USP14: variants seen among roughly 807,000 people sequenced by gnomAD.
The protein encoded by USP14 is ubiquitin specific peptidase 14, also known as ubiquitin carboxyl-terminal hydrolase 14.
USP14 carries 38 observed loss-of-function variants against 76.5 expected under a neutral mutation model. The observed-to-expected ratio is 0.50, with a 90% CI of 0.38 to 0.65. The LOEUF (loss-of-function observed/expected upper bound fraction) is 0.65. Among genes scored for constraint, USP14 ranks in the 30% least tolerant of loss-of-function variants. The pLI is 0.00. For missense variants in USP14, 467 were observed against 586.5 expected (o/e 0.80, Z 2.10); for synonymous variants, 192 against 191.7 (o/e 1.00, Z -0.01).
At chr18:204,124 C>T (rs1341220729) in intron 12 of USP14, among the ~76,000 whole-genome samples, 1 of 151,558 alleles carries the variant, frequency 6.6e-6, no homozygotes, top group Non-Finnish European at 1.5e-5. Flanking sequence ...GTGTTGTATA[C>T]TTTAAATATA....
chr18:208,125 C>A (rs1056882073), intron 13 of USP14, among the ~76,000 whole-genome samples: 5 of 150,830 alleles, frequency 3.3e-5, no homozygotes, highest in African/African-American at 1.2e-4. Flanking sequence ...TTTTCTATTG[C>A]CTAAACATAG....
intron 3 of USP14, among the ~76,000 whole-genome samples, chr18:173,311 C>G (rs1909524647): frequency 6.6e-6 from 1 of 151,600 alleles, no homozygotes; most frequent in African/African-American, 2.4e-5. Flanking sequence ...CGGGGTTTCA[C>G]CATGTTAGCC....
chr18:199,199 A>C lies in USP14; in HGVS notation c.762-3A>C. On this transcript the variant is annotated splice_polypyrimidine_tract_variant and splice_region_variant and intron_variant, in intron 9 of 15. Transcript: ENST00000261601. The stretch of plus-strand genomic sequence containing the variant: ...GGCATATTCCTTATCTTAGTTTACA[A>C]AGCATGAAATGTACAGAATCTGAAG... 1 of 1,602,918 alleles carries C rather than the reference A, an allele frequency of 6.2e-7. No individual in the cohort carries two copies. The highest frequency in any genetic ancestry group is 8.5e-7 in the Non-Finnish European group (1 of 1,170,002).
Position 204,610 on chromosome 18 carries a change from C to A in USP14, c.1082C>A (p.Pro361Gln), listed in dbSNP as rs1207829699. 6.2e-7 allele frequency: 1 copy of A among 1,612,910 alleles called. No individual in the cohort carries two copies. Among genetic ancestry groups the A allele is most frequent in the Admixed American group, 1.7e-5 (1 of 59,886 alleles). ...LMLDMYELCT[P>Q]ELQEKMVSFR... ...TTGGATATGTATGAACTGTGTACAC[C>A]AGAACTTCAAGAGAAAATGGTGTCT... is the stretch of plus-strand genomic sequence containing the variant. The change falls in exon 13 of 16, where the codon CCA becomes CAA. Residue 361 changes from proline to glutamine, a missense_variant. By Grantham distance (76) the Pro-to-Gln change is moderately conservative (BLOSUM62 -1). Coordinates refer to ENST00000261601, the MANE Select transcript of USP14 (RefSeq NM_005151.4).
intron 13 of USP14, 120 bp downstream of exon 13, chr18:204,812 TTA>T: frequency 1.1e-6 from 1 of 930,858 alleles, no homozygotes; most frequent in Non-Finnish European, 1.5e-6. Flanking sequence ...TTGTATAGTA[TTA>T]TTTGGATCAA....
Position 163,460 on chromosome 18 carries a change from T to C in USP14, c.162+7T>C. 1 of 1,599,824 alleles carries C rather than the reference T, an allele frequency of 6.3e-7. No individual in the cohort carries two copies. Among genetic ancestry groups the C allele is most frequent in the South Asian group, 1.1e-5 (1 of 87,794 alleles). On this transcript the variant is annotated splice_region_variant and intron_variant, in intron 2 of 15. Transcript: ENST00000261601. ...GAAAGGAGGAACGCTAAAGGTAAAA[T>C]GTAGTCCAAATTTTCATCACATTAC...
chr18:171,275 T>A (rs1038344670), intron 3 of USP14, among the ~76,000 whole-genome samples: 1 of 151,960 alleles, frequency 6.6e-6, no homozygotes, highest in Admixed American at 6.6e-5. Context: ...TCTAAGCCTT[T>A]CATAGCTAGA....
chr18:209,918 C>T, intron 13 of USP14, 53 bp from the exon 14 acceptor site: 1 of 1,421,700 alleles, frequency 7.0e-7, no homozygotes, highest in Non-Finnish European at 9.7e-7. Flanking sequence ...ACAGAGAATT[C>T]AAATTTTATT....
intron 3 of USP14, among the ~76,000 whole-genome samples, chr18:174,405 A>G (rs982303387): frequency 4.0e-5 from 6 of 151,150 alleles, no homozygotes; most frequent in African/African-American, 1.5e-4. Flanking sequence ...AACTGGGATT[A>G]TAGGCACTTG....
At chr18:191,156 T>C (rs1435017007) in intron 5 of USP14, among the ~76,000 whole-genome samples, 1 of 152,160 alleles carries the variant, frequency 6.6e-6, no homozygotes, top group African/African-American at 2.4e-5. Flanking sequence ...AAAAATGCCT[T>C]TTAAGAAGTT....
rs149709610 is a variant in USP14, at chr18:205,580, C to G, written c.1164+888C>G. Among the ~76,000 whole-genome samples, 165 of 152,164 alleles carry G rather than the reference C, an allele frequency of 1.1e-3. 1 individual carries two copies. The East Asian group carries it at 0.028, about 26-fold the overall frequency. On this transcript the variant is annotated intron_variant, in intron 13 of 15. Coordinates refer to ENST00000261601, the MANE Select transcript of USP14 (RefSeq NM_005151.4). ...CTTTAGGCCAGGAGTTCGAGACTGT[C>G]CTGGGCAACGTAGTGAAACCCTGTC...
At position 214,517 on chromosome 18, in the gene USP14, C is replaced by CAATT. The variant is rs1189668526; in HGVS notation, c.*3234_*3237dup. 1.2e-6 allele frequency: 1 copy of CAATT among 831,838 alleles called. No homozygotes were observed. The highest frequency in any genetic ancestry group is 1.8e-6 in the Non-Finnish European group (1 of 546,728). 51.5% of individuals were successfully genotyped at this position (831,838 alleles called of 1,614,324 possible). ...CTCAGAGCACCAGCCGACTGTACAACAATTGTTATAAAAATGTTTATTGTT... is the reference window on the plus strand; with the variant it reads ...CTCAGAGCACCAGCCGACTGTACAACAATTAATTGTTATAAAAATGTTTATTGTT... On this transcript the variant is annotated 3_prime_UTR_variant, in exon 16 of 16. Coordinates refer to ENST00000261601, the MANE Select transcript of USP14 (RefSeq NM_005151.4).
chr18:214,526 TA>T lies in USP14; in HGVS notation c.*3247del. 2.1e-6 allele frequency: 2 copies of T among 962,020 alleles called. No individual in the cohort carries two copies. The highest frequency in any genetic ancestry group is 3.1e-6 in the Non-Finnish European group (2 of 653,332). The allele number at this position is 962,020 out of a possible 1,614,324, so 59.6% of individuals were successfully genotyped here. On this transcript the variant is annotated 3_prime_UTR_variant, in exon 16 of 16. Coordinates refer to ENST00000261601, the MANE Select transcript of USP14 (RefSeq NM_005151.4). ...CCAGCCGACTGTACAACAATTGTTA[TA>T]AAAATGTTTATTGTTTACCAAAACC...
chr18:199,232 A>C lies in USP14; in HGVS notation c.792A>C (p.Glu264Asp), dbSNP rs759959680. 2 of 1,613,938 alleles carry C rather than the reference A, an allele frequency of 1.2e-6. No individual in the cohort carries two copies. Among genetic ancestry groups the C allele is most frequent in the Non-Finnish European group, 8.5e-7 (1 of 1,179,842 alleles). The stretch of plus-strand genomic sequence containing the variant: ...AATGTACAGAATCTGAAGAAGAAGA[A>C]GTCACCAAAGGAAAGGAAAATCAAC... ...TMKCTESEEEEVTKGKENQLQ... is the reference protein window; with the variant it reads ...TMKCTESEEEDVTKGKENQLQ... Residue 264 changes from glutamate to aspartate, a missense_variant, in exon 10 of 16, where the codon GAA becomes GAC. Physicochemically the swap from Glu to Asp is conservative, Grantham distance 45. Transcript: ENST00000261601.
Position 166,564 on chromosome 18 carries a change from C to T in USP14, c.163-223C>T, listed in dbSNP as rs555675004. 5.9e-5 allele frequency among the ~76,000 whole-genome samples: 9 copies of T among 152,160 alleles called. No individual in the cohort carries two copies. The South Asian group carries it at 6.2e-4, about 11-fold the overall frequency. ...GTCCGGCTGGTTTCGAACTCCTGAC[C>T]GCAGGTGATTTGCCTGCCTCAGCCT... On this transcript the variant is annotated intron_variant, in intron 2 of 15. Transcript: ENST00000261601.
chr18:169,861 T>C (rs1349182626), intron 3 of USP14, among the ~76,000 whole-genome samples: 4 of 152,152 alleles, frequency 2.6e-5, no homozygotes. Flanking sequence ...TGTAATTGTT[T>C]TGGGGTGTCA....
chr18:195,259 A>T (rs1910199381), intron 6 of USP14, among the ~76,000 whole-genome samples: 1 of 152,072 alleles, frequency 6.6e-6, no homozygotes, highest in Non-Finnish European at 1.5e-5. Flanking sequence ...TATTTAAAAA[A>T]ATAATTAGCT....
chr18:187,609 T>G (rs1343498851), intron 5 of USP14, among the ~76,000 whole-genome samples: 1 of 152,156 alleles, frequency 6.6e-6, no homozygotes, highest in African/African-American at 2.4e-5. Context: ...GTAAGATGGA[T>G]TTTTTTCACG....
intron 6 of USP14, among the ~76,000 whole-genome samples, chr18:195,155 A>G (rs1216038404): frequency 6.6e-6 from 1 of 151,926 alleles, no homozygotes; most frequent in East Asian, 1.9e-4. Flanking sequence ...AACTAATGAA[A>G]TACTTTTGAG....
Sources: gnomAD v4.1 joint callset for allele counts (sites outside exome capture counted in the v4.1 genomes callset) on GRCh38, gnomAD v4.1.1 for gene constraint, MANE v1.5 for transcripts, NCBI Gene and HGNC (gene_info 2026-07-23, HGNC 2026-07-21) for gene names.